The following ELAVL2 variants were observed in gnomAD, a reference collection of about 807,000 sequenced individuals.
The protein encoded by ELAVL2 is ELAV-like protein 2.
In ELAVL2, 4 loss-of-function variants were observed where a neutral mutation model predicts 34.6. That is an observed-to-expected ratio of 0.12 (90% CI 0.06 to 0.26). ELAVL2 has a LOEUF of 0.26. ELAVL2 is among the 10% of genes least tolerant of loss of function. The pLI is 1.00. For missense variants in ELAVL2, 432 were observed against 442.8 expected (o/e 0.98, Z 0.22); for synonymous variants, 193 against 154.8 (o/e 1.25, Z -1.83).
intron 1 of ELAVL2, among the ~76,000 whole-genome samples, chr9:23,790,886 T>G (rs138780146): frequency 6.6e-6 from 1 of 152,174 alleles, no homozygotes; most frequent in East Asian, 1.9e-4. Context: ...GGTCTCCTGA[T>G]GAACACTTAA....
chr9:23,818,333 G>A (rs2064017372), intron 1 of ELAVL2, among the ~76,000 whole-genome samples: 1 of 152,230 alleles, frequency 6.6e-6, no homozygotes. Context: ...GTAATCTGTG[G>A]GTCCCAGTGC....
intron 2 of ELAVL2, among the ~76,000 whole-genome samples, chr9:23,736,517 T>C (rs1414705590): frequency 1.3e-5 from 2 of 152,022 alleles, no homozygotes; most frequent in Non-Finnish European, 2.9e-5. Flanking sequence ...TTAAATACAA[T>C]GGTCAGAGCA....
chr9:23,737,129 AC>A (rs2048086399), intron 2 of ELAVL2, among the ~76,000 whole-genome samples: 1 of 152,138 alleles, frequency 6.6e-6, no homozygotes, highest in Admixed American at 6.5e-5. Context: ...CCCTCACTAG[AC>A]TGCTGAGCAA....
At chr9:23,726,961 C>T (rs1045792484) in intron 3 of ELAVL2, among the ~76,000 whole-genome samples, 2 of 152,000 alleles carry the variant, frequency 1.3e-5, no homozygotes, top group Non-Finnish European at 2.9e-5. Context: ...TGGAGAAAAA[C>T]CTCTCTTCTT....
At chr9:23,706,533 C>G (rs2039381629) in intron 3 of ELAVL2, among the ~76,000 whole-genome samples, 1 of 152,162 alleles carries the variant, frequency 6.6e-6, no homozygotes, top group Non-Finnish European at 1.5e-5. Flanking sequence ...CATTTAGTCT[C>G]ATGAGCTATT....
intron 1 of ELAVL2, among the ~76,000 whole-genome samples, chr9:23,805,705 A>C (rs2062127207): frequency 6.6e-6 from 1 of 152,170 alleles, no homozygotes; most frequent in African/African-American, 2.4e-5. Flanking sequence ...TCTGCTTCCA[A>C]AGATACTCAG....
At chr9:23,847,335 A>C in the ELAVL2 span, 5 of 152,002 alleles carry the variant, frequency 3.3e-5, no homozygotes, top group Non-Finnish European at 4.4e-5. Context: ...CCCATTAGAT[A>C]ACCTGGCTGC....
chr9:23,752,643 C>T lies in ELAVL2; in HGVS notation c.229+9363G>A, dbSNP rs185862981. 9.2e-5 allele frequency among the ~76,000 whole-genome samples: 14 copies of T among 152,022 alleles called. No individual in the cohort carries two copies. In the East Asian group the frequency reaches 2.5e-3, roughly 27 times the overall value. On this transcript the variant is annotated intron_variant, in intron 2 of 6. Coordinates refer to ENST00000397312, the MANE Select transcript of ELAVL2 (RefSeq NM_004432.5). ...CTAATTTTTGTATTTTTAGTAGAGA[C>T]GGGGTTTCACCATGTTGGCCAGGCT...
chr9:23,825,915 C>T lies in ELAVL2; in HGVS notation c.-125G>A, dbSNP rs928214201. 1 of 152,064 alleles carries T rather than the reference C, an allele frequency of 6.6e-6. No individual in the cohort carries two copies. The highest frequency in any genetic ancestry group is 1.5e-5 in the Non-Finnish European group (1 of 68,016). 9.4% of individuals were successfully genotyped at this position (152,064 alleles called of 1,614,324 possible). ...ATAGTTCTCTTAAGACAGCACGAAA[C>T]CTAAACTGTGCTCGGCTTAAAAGAA... On this transcript the variant is annotated 5_prime_UTR_variant, in exon 1 of 7. Coordinates refer to ENST00000397312, the MANE Select transcript of ELAVL2 (RefSeq NM_004432.5).
chr9:23,715,615 T>A (rs996149229), intron 3 of ELAVL2, among the ~76,000 whole-genome samples: 1 of 152,214 alleles, frequency 6.6e-6, no homozygotes, highest in Non-Finnish European at 1.5e-5. Flanking sequence ...AGCAATGGCT[T>A]CAGTATTCTT....
intron 1 of ELAVL2, among the ~76,000 whole-genome samples, chr9:23,773,318 A>C (rs1171307219): frequency 6.6e-6 from 1 of 152,116 alleles, no homozygotes. Flanking sequence ...CATACACCCA[A>C]TTTCGAACAA....
the ELAVL2 span, among the ~76,000 whole-genome samples, chr9:23,834,495 T>G: frequency 2.2e-4 from 33 of 152,116 alleles, no homozygotes; most frequent in African/African-American, 7.5e-4. Flanking sequence ...AGAATCACTG[T>G]GAGGTTAGAT....
intron 2 of ELAVL2, among the ~76,000 whole-genome samples, chr9:23,746,493 G>C (rs1255138747): frequency 6.6e-6 from 1 of 152,112 alleles, no homozygotes; most frequent in Non-Finnish European, 1.5e-5. Context: ...GAGTTAAGTA[G>C]TAGGAAGTAA....
At chr9:23,752,257 A>G (rs1435104297) in intron 2 of ELAVL2, among the ~76,000 whole-genome samples, 1 of 152,058 alleles carries the variant, frequency 6.6e-6, no homozygotes, top group East Asian at 1.9e-4. Context: ...CACAACACAA[A>G]TTGAGTGGCT....
At chr9:23,813,352 G>C (rs1004093116) in intron 1 of ELAVL2, among the ~76,000 whole-genome samples, 10 of 151,736 alleles carry the variant, frequency 6.6e-5, no homozygotes, top group Non-Finnish European at 4.4e-5. Context: ...AAAAAATAAA[G>C]GGGAAAGGGA....
At chr9:23,693,529 C>T (rs375638740) in intron 5 of ELAVL2, 43 bp from the exon 6 acceptor site, 2 of 1,612,876 alleles carry the variant, frequency 1.2e-6, no homozygotes, top group Non-Finnish European at 1.7e-6. Context: ...TTAATTTTTC[C>T]CCTTGATGTT....
intron 1 of ELAVL2, among the ~76,000 whole-genome samples, chr9:23,819,838 A>C (rs2064279651): frequency 6.6e-6 from 1 of 152,214 alleles, no homozygotes; most frequent in Admixed American, 6.5e-5. Context: ...TCTGGCCTTT[A>C]TCTTCCAGAT....
intron 4 of ELAVL2, among the ~76,000 whole-genome samples, chr9:23,701,943 T>A (rs544675473): frequency 1.3e-5 from 2 of 152,288 alleles, no homozygotes; most frequent in Admixed American, 1.3e-4. Flanking sequence ...GTCAATAGTG[T>A]ACCGGAGTTC....
At chr9:23,768,289 T>C (rs2056694463) in intron 1 of ELAVL2, among the ~76,000 whole-genome samples, 1 of 152,134 alleles carries the variant, frequency 6.6e-6, no homozygotes, top group South Asian at 2.1e-4. Flanking sequence ...TGCAGTCCCA[T>C]CTCCCTTATT....
Sources: allele counts gnomAD v4.1 joint callset (sites outside exome capture counted in the v4.1 genomes callset), GRCh38; gene constraint gnomAD v4.1.1; transcripts MANE v1.5; gene names NCBI Gene and HGNC (gene_info 2026-07-23, HGNC 2026-07-21).